ERC1: variants seen among roughly 807,000 people sequenced by gnomAD.
ERC1 encodes the protein ELKS/RAB6-interacting/CAST family member 1.
A neutral mutation model predicts 132.0 loss-of-function variants in ERC1; 56 were observed. The ratio of observed to expected loss-of-function variants is 0.42; its 90% CI spans 0.34 to 0.53. ERC1 has a LOEUF of 0.53. Among genes scored for constraint, ERC1 ranks in the 20% least tolerant of loss-of-function variants. The probability of loss-of-function intolerance (pLI) is 0.03; values close to 1 mark genes in which losing one functional copy is unlikely to be tolerated. For missense variants in ERC1, 1,202 were observed against 1,349.9 expected, an observed-to-expected ratio of 0.89 and a Z score of 1.72; for synonymous variants, 478 against 476.1, an observed-to-expected ratio of 1.00 and a Z score of -0.05.
chr12:1,164,272 T>C (rs1364875205), intron 8 of ERC1, among the ~76,000 whole-genome samples: 1 of 132,980 alleles, frequency 7.5e-6, no homozygotes, highest in East Asian at 2.0e-4. Flanking sequence ...TTTTATGTTG[T>C]TATTTTATGT....
At chr12:1,238,151 GTTC>G (rs1334021878) in intron 13 of ERC1, among the ~76,000 whole-genome samples, 1 of 140,666 alleles carries the variant, frequency 7.1e-6, no homozygotes, top group Non-Finnish European at 1.5e-5. Context: ...TCATCTTTCT[GTTC>G]TTCCTCCTTT....
chr12:1,463,333 A>ATGGGTG (rs2093678397), intron 18 of ERC1, among the ~76,000 whole-genome samples: 1 of 152,116 alleles, frequency 6.6e-6, no homozygotes, highest in Non-Finnish European at 1.5e-5. Flanking sequence ...GCCTGCACAG[A>ATGGGTG]TGGGTGTATC....
chr12:1,245,216 T>C (rs2076086107), intron 13 of ERC1, among the ~76,000 whole-genome samples: 3 of 152,244 alleles, frequency 2.0e-5, no homozygotes, highest in Admixed American at 1.3e-4. Flanking sequence ...AGAAATCATA[T>C]GTGTATTTCT....
At chr12:1,269,552 GA>G (rs2077686104) in intron 14 of ERC1, among the ~76,000 whole-genome samples, 1 of 152,172 alleles carries the variant, frequency 6.6e-6, no homozygotes, top group Non-Finnish European at 1.5e-5. Context: ...AAGAGGGCGT[GA>G]CATCATCTGA....
intron 15 of ERC1, among the ~76,000 whole-genome samples, chr12:1,305,436 TCTC>T (rs1172846508): frequency 6.6e-6 from 1 of 152,126 alleles, no homozygotes; most frequent in Non-Finnish European, 1.5e-5. Context: ...GTTAGTTCCA[TCTC>T]CTCCTGAGCC....
chr12:1,102,458 A>C (rs1427664488), intron 3 of ERC1, among the ~76,000 whole-genome samples: 4 of 152,220 alleles, frequency 2.6e-5, no homozygotes, highest in Admixed American at 2.0e-4. Flanking sequence ...GTAAGTGCTC[A>C]TGGAGCTATG....
Position 1,171,356 on chromosome 12 carries a change from C to CTT in ERC1, c.1738-9162_1738-9161dup, listed in dbSNP as rs57007848. The stretch of plus-strand genomic sequence containing the variant: ...TCAGCAATAGTCTGGGCAAAACATT[C>CTT]TTTTTTTTTTTTTTTTTTTTTTTGG... On this transcript the variant is annotated intron_variant, in intron 8 of 18. Transcript: ENST00000360905. 7.2e-3 allele frequency among the ~76,000 whole-genome samples: 630 copies of CTT among 87,222 alleles called. 8 individuals carry two copies. The highest frequency in any genetic ancestry group is 0.016 in the Middle Eastern group (2 of 126). 57.2% of individuals were successfully genotyped at this position (87,222 alleles called of 152,430 possible).
chr12:1,272,739 A>G (rs2077951115), intron 14 of ERC1, among the ~76,000 whole-genome samples: 1 of 151,962 alleles, frequency 6.6e-6, no homozygotes, highest in African/African-American at 2.4e-5. Flanking sequence ...GACGAGGTCA[A>G]GAGTTCAAGA....
At position 1,140,108 on chromosome 12, in the gene ERC1, G is replaced by A. The variant is rs374251527; in HGVS notation, c.1570-1512G>A. Among the ~76,000 whole-genome samples the A allele has an allele frequency of 9.2e-5, 14 of 152,206 alleles. No homozygotes were observed. The East Asian group carries it at 1.9e-3, about 21-fold the overall frequency. On this transcript the variant is annotated intron_variant, in intron 7 of 18. Transcript: ENST00000360905. ...TGAGACTGGTCGCGTAGAAGTAGTTGGTAGAAATGTAGTTTAGCAGAGTGA... is the reference window on the plus strand; with the variant it reads ...TGAGACTGGTCGCGTAGAAGTAGTTAGTAGAAATGTAGTTTAGCAGAGTGA...
Position 1,263,166 on chromosome 12 carries a change from G to A in ERC1, c.2619+1G>A. 4.3e-6 allele frequency: 7 copies of A among 1,613,798 alleles called. No homozygotes were observed. The highest frequency in any genetic ancestry group is 5.9e-6 in the Non-Finnish European group (7 of 1,179,918). The stretch of plus-strand genomic sequence containing the variant: ...AGCCAGGACCAATGCTGAAAAACAG[G>A]TCTGCTATTTTATACAGTTCCAAGC... On this transcript the variant is annotated splice_donor_variant, in intron 14 of 18. Transcript: ENST00000360905. LOFTEE classifies it high-confidence loss of function.
At chr12:1,273,640 T>C (rs2078036044) in intron 14 of ERC1, among the ~76,000 whole-genome samples, 1 of 152,148 alleles carries the variant, frequency 6.6e-6, no homozygotes. Flanking sequence ...ATATTTTGCT[T>C]TTATTTAATT....
At chr12:1,159,160 T>G (rs1442029919) in intron 8 of ERC1, among the ~76,000 whole-genome samples, 1 of 152,210 alleles carries the variant, frequency 6.6e-6, no homozygotes, top group Non-Finnish European at 1.5e-5. Flanking sequence ...TTGGACAGTT[T>G]TGACCCTATT....
chr12:1,095,317 C>G (rs763602011), intron 3 of ERC1, among the ~76,000 whole-genome samples: 3 of 147,490 alleles, frequency 2.0e-5, no homozygotes, highest in African/African-American at 5.0e-5. Context: ...GCGGTCCTAG[C>G]TATTTGGGAG....
intron 3 of ERC1, among the ~76,000 whole-genome samples, chr12:1,101,953 A>G (rs1442888822): frequency 6.6e-6 from 1 of 152,120 alleles, no homozygotes; most frequent in East Asian, 1.9e-4. Context: ...TAATTCGCAT[A>G]AAGTTACTCT....
intron 16 of ERC1, among the ~76,000 whole-genome samples, chr12:1,388,365 A>AAG (rs1555386551): frequency 6.6e-6 from 1 of 151,268 alleles, no homozygotes; most frequent in Non-Finnish European, 1.5e-5. Flanking sequence ...AAAAAAAAAA[A>AAG]AAATTAGCCT....
At chr12:1,418,714 CT>C (rs2092298684) in intron 17 of ERC1, among the ~76,000 whole-genome samples, 1 of 109,944 alleles carries the variant, frequency 9.1e-6, no homozygotes, top group Non-Finnish European at 1.8e-5. Flanking sequence ...TTCTTTCTTT[CT>C]TTCTTTCTTT....
chr12:1,202,578 G>A (rs1438669985), intron 12 of ERC1, among the ~76,000 whole-genome samples: 1 of 152,094 alleles, frequency 6.6e-6, no homozygotes, highest in Non-Finnish European at 1.5e-5. Flanking sequence ...GATCACTTGA[G>A]TCTGGGAAGT....
chr12:1,202,485 C>T (rs1399621022), intron 12 of ERC1, among the ~76,000 whole-genome samples: 1 of 151,956 alleles, frequency 6.6e-6, no homozygotes, highest in East Asian at 1.9e-4. Flanking sequence ...GGCGAAACCT[C>T]GTCTCTACAA....
At chr12:1,475,982 G>A (rs1392794872) in intron 18 of ERC1, among the ~76,000 whole-genome samples, 3 of 137,590 alleles carry the variant, frequency 2.2e-5, no homozygotes, top group Admixed American at 7.0e-5. Flanking sequence ...AAAAAAAAAA[G>A]GCTGGGCAAG....
Sources: gnomAD v4.1 joint callset for allele counts (sites outside exome capture counted in the v4.1 genomes callset) on GRCh38, gnomAD v4.1.1 for gene constraint, MANE v1.5 for transcripts, NCBI Gene and HGNC (gene_info 2026-07-23, HGNC 2026-07-21) for gene names.